Variants in FAM50B observed in about 807,000 individuals in gnomAD.
FAM50B encodes the protein protein FAM50B.
Under a neutral mutation model 25.4 loss-of-function variants are expected in FAM50B, and 9 were observed. That is an observed-to-expected ratio of 0.35 (90% confidence interval 0.21 to 0.62). The LOEUF is 0.62. Ranked by LOEUF, FAM50B falls within the 20% of genes least tolerant of loss-of-function variation. The pLI is 0.73. For synonymous variants in FAM50B, 212 were observed against 204.3 expected (o/e 1.04, Z -0.32); for missense variants, 372 against 477.9 (o/e 0.78, Z 2.07).
chr6:3,849,750 G>GC (rs1199386977), intron 1 of FAM50B, 39 bp from the exon 2 acceptor site: 5 of 1,515,822 alleles, frequency 3.3e-6, no homozygotes, highest in African/African-American at 2.7e-5. Flanking sequence ...CGTTGCGTGG[G>GC]CCCCCCTCTA....
chr6:3,832,654 CCT>C, the FAM50B span, among the ~76,000 whole-genome samples: 2 of 152,126 alleles, frequency 1.3e-5, no homozygotes, highest in Non-Finnish European at 2.9e-5. Context: ...CAATGCTTCC[CCT>C]GTTTTCCCCA....
the FAM50B span, among the ~76,000 whole-genome samples, chr6:3,842,636 C>G: frequency 1.3e-5 from 2 of 152,186 alleles, no homozygotes; most frequent in Admixed American, 6.5e-5. Context: ...AGATGTTCCA[C>G]CCTTTGAAAG....
the FAM50B span, among the ~76,000 whole-genome samples, chr6:3,836,867 C>A: frequency 6.6e-6 from 1 of 152,156 alleles, no homozygotes; most frequent in Non-Finnish European, 1.5e-5. Context: ...CAGAGGGAGG[C>A]AGGCTACAGT....
At chr6:3,849,371 C>T (rs770956157), upstream of FAM50B, 43 of 158,240 alleles carry the variant, frequency 2.7e-4, no homozygotes, top group Non-Finnish European at 4.3e-4. Context: ...CGCACCGCCT[C>T]CACTTCCTGT....
chr6:3,840,599 T>C, the FAM50B span, among the ~76,000 whole-genome samples: 1 of 152,090 alleles, frequency 6.6e-6, no homozygotes, highest in Non-Finnish European at 1.5e-5. Flanking sequence ...CGAGCACCAC[T>C]CAAAGGCCGG....
chr6:3,839,042 T>A, the FAM50B span, among the ~76,000 whole-genome samples: 1 of 151,832 alleles, frequency 6.6e-6, no homozygotes, highest in Non-Finnish European at 1.5e-5. Flanking sequence ...AGAGTCAGTT[T>A]GTGTTGCTAT....
chr6:3,832,004 A>G, the FAM50B span: 1 of 152,200 alleles, frequency 6.6e-6, no homozygotes, highest in African/African-American at 2.4e-5. Context: ...TGGCCTGTTT[A>G]TCGAACGGTA....
upstream of FAM50B, among the ~76,000 whole-genome samples, chr6:3,845,145 A>G (rs1022000644): frequency 6.6e-5 from 10 of 152,236 alleles, no homozygotes; most frequent in African/African-American, 2.4e-4. Flanking sequence ...GCTGAGAATT[A>G]AGGCTGAAAG....
At position 3,849,960 on chromosome 6, in the gene FAM50B, C is replaced by CGGCGCA; in HGVS notation, c.150_155dup (p.Ala51_His52insGlnAla). On this transcript the variant is annotated inframe_insertion, in exon 2 of 2. Transcript: ENST00000648326. ...AAGTCGCAGGTGGACAAGAGGTTCT[C>CGGCGCA]GGCGCATTACGACGCCGTGGAGGCC... is the stretch of plus-strand genomic sequence containing the variant. 6.2e-7 allele frequency: 1 copy of CGGCGCA among 1,613,884 alleles called. No individual in the cohort carries two copies. The highest frequency in any genetic ancestry group is 8.5e-7 in the Non-Finnish European group (1 of 1,179,964).
At chr6:3,841,503 T>C in the FAM50B span, among the ~76,000 whole-genome samples, 17 of 152,236 alleles carry the variant, frequency 1.1e-4, no homozygotes, top group African/African-American at 3.9e-4. Context: ...CAAATGTACA[T>C]AGAGTCAAAC....
At chr6:3,835,994 TG>T in the FAM50B span, among the ~76,000 whole-genome samples, 5 of 152,236 alleles carry the variant, frequency 3.3e-5, no homozygotes, top group African/African-American at 9.6e-5. Flanking sequence ...TAGCACTGAA[TG>T]CTTTTACTGT....
At chr6:3,834,028 G>A in the FAM50B span, 1 of 152,104 alleles carries the variant, frequency 6.6e-6, no homozygotes, top group Admixed American at 6.6e-5. Flanking sequence ...AGCAAGAATA[G>A]CTATGACCCA....
chr6:3,834,672 G>C, the FAM50B span, among the ~76,000 whole-genome samples: 1 of 151,950 alleles, frequency 6.6e-6, no homozygotes, highest in African/African-American at 2.4e-5. Context: ...GCATATATAA[G>C]AATGATCATT....
At chr6:3,838,903 C>G in the FAM50B span, among the ~76,000 whole-genome samples, 1 of 147,878 alleles carries the variant, frequency 6.8e-6, no homozygotes, top group Admixed American at 6.8e-5. Context: ...GAACTACTGA[C>G]ATATGCAACA....
At chr6:3,836,049 T>A in the FAM50B span, among the ~76,000 whole-genome samples, 1 of 152,186 alleles carries the variant, frequency 6.6e-6, no homozygotes, top group Non-Finnish European at 1.5e-5. Flanking sequence ...AGTGTCATAT[T>A]ATCAATGTGA....
In FAM50B at chr6:3,849,807, G is replaced by A. The variant is rs1214097740; in HGVS notation, c.-5G>A. 2.5e-6 allele frequency: 4 copies of A among 1,597,416 alleles called. No individual in the cohort carries two copies. The highest frequency in any genetic ancestry group is 1.3e-5 in the African/African-American group (1 of 74,766). ...GCTGCAGAGCCCATCGGGTAGGCGC[G>A]GGCCATGGCGCAGTACAAGGGCACC... On this transcript the variant is annotated 5_prime_UTR_variant, in exon 2 of 2. Transcript: ENST00000648326.
the FAM50B span, among the ~76,000 whole-genome samples, chr6:3,837,963 G>A: frequency 6.6e-6 from 1 of 152,192 alleles, no homozygotes; most frequent in Admixed American, 6.5e-5. Context: ...TTTCCAACAC[G>A]TGAACTTTTA....
intron 1 of FAM50B, 139 bp from the exon 2 acceptor site, chr6:3,849,650 G>C (rs1433066440): frequency 1.3e-5 from 16 of 1,276,260 alleles, no homozygotes; most frequent in Non-Finnish European, 1.7e-5. Flanking sequence ...TGTCAGGTTG[G>C]TGGTTACCCT....
chr6:3,849,141 G>A (rs994054612), upstream of FAM50B, among the ~76,000 whole-genome samples: 1 of 152,160 alleles, frequency 6.6e-6, no homozygotes, highest in Non-Finnish European at 1.5e-5. Context: ...GTGAAAACAG[G>A]AGCCCCGGCC....
Sources: allele counts gnomAD v4.1 joint callset (sites outside exome capture counted in the v4.1 genomes callset), GRCh38; gene constraint gnomAD v4.1.1; transcripts MANE v1.5; gene names NCBI Gene and HGNC (gene_info 2026-07-23, HGNC 2026-07-21).